The following XYLT1 variants were observed in gnomAD, a reference collection of about 807,000 sequenced individuals.
XYLT1 encodes beta-D-xylosyltransferase 1.
A neutral mutation model predicts 91.3 loss-of-function variants in XYLT1; 36 were observed. The ratio of observed to expected loss-of-function variants is 0.39; its 90% CI spans 0.30 to 0.52. The LOEUF is 0.52. Ranked by LOEUF, XYLT1 falls within the 20% of genes least tolerant of loss-of-function variation. The pLI is 0.68. For missense variants in XYLT1, 1,242 were observed against 1,284.5 expected, an observed-to-expected ratio of 0.97 and a Z score of 0.51; for synonymous variants, 588 against 532.0, an observed-to-expected ratio of 1.11 and a Z score of -1.45.
At chr16:17,326,668 C>A (rs577211777) in intron 2 of XYLT1, among the ~76,000 whole-genome samples, 132 of 151,792 alleles carry the variant, frequency 8.7e-4, no homozygotes, top group African/African-American at 3.0e-3. Context: ...TTAAAAAATA[C>A]AAAAAAATTA....
chr16:17,446,039 T>G (rs1401957414), intron 1 of XYLT1: 1 of 152,122 alleles, frequency 6.6e-6, no homozygotes, highest in Non-Finnish European at 1.5e-5. Context: ...TAGACTTGGG[T>G]GAGCACCTAT....
chr16:17,393,147 T>A (rs1374768712), intron 1 of XYLT1, among the ~76,000 whole-genome samples: 1 of 152,198 alleles, frequency 6.6e-6, no homozygotes, highest in Non-Finnish European at 1.5e-5. Context: ...TTCCTGGGGA[T>A]GTCCTCAACC....
At chr16:17,224,443 T>C (rs2033027759) in intron 3 of XYLT1, among the ~76,000 whole-genome samples, 2 of 152,216 alleles carry the variant, frequency 1.3e-5, no homozygotes, top group South Asian at 4.1e-4. Flanking sequence ...TTCACAGTCT[T>C]ATTTCGCAGT....
At chr16:17,411,111 T>C (rs2036101923) in intron 1 of XYLT1, among the ~76,000 whole-genome samples, 1 of 152,204 alleles carries the variant, frequency 6.6e-6, no homozygotes, top group Admixed American at 6.5e-5. Context: ...TGGAAGACCT[T>C]GGGCAAATTA....
rs115676262 is a variant in XYLT1, at chr16:17,228,650, G to C, written c.914-27996C>G. ...CGGTGGAGGCTTGTGATTGGAGAAG[G>C]CTTCTGATTGGAGGCAGCTTCATCT... On this transcript the variant is annotated intron_variant, in intron 3 of 11. Transcript: ENST00000261381. 1.3e-3 allele frequency among the ~76,000 whole-genome samples: 202 copies of C among 152,222 alleles called. 1 individual carries two copies. Among genetic ancestry groups the C allele is most frequent in the African/African-American group, 4.5e-3 (186 of 41,540 alleles).
intron 1 of XYLT1, among the ~76,000 whole-genome samples, chr16:17,370,227 T>A (rs2035513156): frequency 6.6e-6 from 1 of 152,216 alleles, no homozygotes; most frequent in Admixed American, 6.5e-5. Flanking sequence ...CCAGACCTCA[T>A]GCCAAGGTCA....
intron 2 of XYLT1, among the ~76,000 whole-genome samples, chr16:17,264,554 G>A (rs1349459134): frequency 6.6e-6 from 1 of 152,118 alleles, no homozygotes; most frequent in African/African-American, 2.4e-5. Flanking sequence ...TGGCTTTTCT[G>A]TCCTTTCTGT....
Position 17,445,629 on chromosome 16 carries a change from A to G in XYLT1, c.363+24805T>C, listed in dbSNP as rs138946287. 4.6e-5 allele frequency among the ~76,000 whole-genome samples: 7 copies of G among 152,330 alleles called. No individual in the cohort carries two copies. In the East Asian group the frequency reaches 1.4e-3, roughly 29 times the overall value. ...AAGTTCCACCCAGTGCCGCCCCAGCATGGAGGCTCCTCTGTGGCCTCAATG... is the reference window on the plus strand; with the variant it reads ...AAGTTCCACCCAGTGCCGCCCCAGCGTGGAGGCTCCTCTGTGGCCTCAATG... On this transcript the variant is annotated intron_variant, in intron 1 of 11. Transcript: ENST00000261381.
chr16:17,361,641 G>A (rs565244395), intron 1 of XYLT1, among the ~76,000 whole-genome samples: 1 of 152,230 alleles, frequency 6.6e-6, no homozygotes, highest in African/African-American at 2.4e-5. Context: ...GGAAATAAGT[G>A]ACCATCAGGA....
At chr16:17,456,632 C>T (rs1435497515) in intron 1 of XYLT1, among the ~76,000 whole-genome samples, 3 of 152,204 alleles carry the variant, frequency 2.0e-5, no homozygotes, top group African/African-American at 7.2e-5. Context: ...TGTGCCACCA[C>T]GCCCGGCAAC....
intron 1 of XYLT1, among the ~76,000 whole-genome samples, chr16:17,422,825 T>C (rs2036265869): frequency 6.6e-6 from 1 of 152,162 alleles, no homozygotes; most frequent in African/African-American, 2.4e-5. Flanking sequence ...CTCACAGATA[T>C]TTTTTATTGA....
chr16:17,314,396 AT>A (rs540993679), intron 2 of XYLT1, among the ~76,000 whole-genome samples: 4 of 152,016 alleles, frequency 2.6e-5, no homozygotes, highest in Non-Finnish European at 5.9e-5. Context: ...CGAGTCAGTC[AT>A]TTTTTTAGAG....
intron 2 of XYLT1, among the ~76,000 whole-genome samples, chr16:17,286,537 C>A (rs1212312122): frequency 2.0e-5 from 3 of 152,358 alleles, no homozygotes; most frequent in Non-Finnish European, 4.4e-5. Context: ...TTGATCAACA[C>A]AGCACTAAAA....
intron 2 of XYLT1, among the ~76,000 whole-genome samples, chr16:17,326,831 AAAAAAAAAC>A (rs2034810455): frequency 6.7e-6 from 1 of 149,606 alleles, no homozygotes; most frequent in South Asian, 2.1e-4. Context: ...TCTCAAAAAC[AAAAAAAAAC>A]AAAAAAAACA....
intron 3 of XYLT1, among the ~76,000 whole-genome samples, chr16:17,228,340 T>A (rs1369189931): frequency 6.6e-6 from 1 of 152,224 alleles, no homozygotes; most frequent in East Asian, 1.9e-4. Flanking sequence ...CATATGATCC[T>A]TGTAATCCAA....
rs572591805 is a variant in XYLT1 at position 17,375,425 on chromosome 16, G to T, written c.364-17375C>A. On this transcript the variant is annotated intron_variant, in intron 1 of 11. Transcript: ENST00000261381. Reference sequence around the variant, plus strand: ...CAGACCCCTGGGCAAAAACCCTGTCGCAATGCAAAAAAAAAAATAAAATTT... The same window carrying T: ...CAGACCCCTGGGCAAAAACCCTGTCTCAATGCAAAAAAAAAAATAAAATTT... Among the ~76,000 whole-genome samples, 124 of 135,062 alleles carry T rather than the reference G, an allele frequency of 9.2e-4. 1 individual carries two copies. The highest frequency in any genetic ancestry group is 3.3e-3 in the African/African-American group (120 of 35,994). 88.6% of individuals were successfully genotyped at this position (135,062 alleles called of 152,430 possible).
At chr16:17,289,059 C>CGAT (rs1416317281) in intron 2 of XYLT1, among the ~76,000 whole-genome samples, 2 of 152,188 alleles carry the variant, frequency 1.3e-5, no homozygotes, top group African/African-American at 4.8e-5. Context: ...TTTTCATCCA[C>CGAT]GATGATCTAT....
chr16:17,153,639 T>C (rs2031336533), intron 6 of XYLT1, among the ~76,000 whole-genome samples: 1 of 152,196 alleles, frequency 6.6e-6, no homozygotes, highest in Non-Finnish European at 1.5e-5. Context: ...ATTCGAAGCA[T>C]AATATCCATA....
chr16:17,153,519 A>G (rs532527498), intron 6 of XYLT1, among the ~76,000 whole-genome samples: 1 of 152,322 alleles, frequency 6.6e-6, no homozygotes, highest in East Asian at 1.9e-4. Flanking sequence ...GCCTTAAGCG[A>G]TCCTCCTACA....
Sources: allele counts gnomAD v4.1 joint callset (sites outside exome capture counted in the v4.1 genomes callset), GRCh38; gene constraint gnomAD v4.1.1; transcripts MANE v1.5; gene names NCBI Gene and HGNC (gene_info 2026-07-23, HGNC 2026-07-21).